The following OTUD4 variants were observed in gnomAD, a reference collection of about 807,000 sequenced individuals.
OTUD4 encodes the protein OTU deubiquitinase 4.
In OTUD4, 24 loss-of-function variants were observed where a neutral mutation model predicts 130.4. The ratio of observed to expected loss-of-function variants is 0.18; its 90% confidence interval spans 0.13 to 0.26. The LOEUF is 0.26. Ranked by LOEUF, OTUD4 falls within the 10% of genes least tolerant of loss-of-function variation. The probability of loss-of-function intolerance (pLI) is 1.00; values close to 1 mark genes in which losing one functional copy is unlikely to be tolerated. For missense variants in OTUD4, 1,031 were observed against 1,329.4 expected, an observed-to-expected ratio of 0.78 and a Z score of 3.49; for synonymous variants, 420 against 472.5, an observed-to-expected ratio of 0.89 and a Z score of 1.44.
In OTUD4 at chr4:145,137,932, G is replaced by A. The variant is rs201617367; in HGVS notation, c.2843C>T (p.Thr948Met). Residue 948 changes from threonine (T) to methionine (M), a missense_variant, in exon 21 of 21, where the codon ACG becomes ATG. Around this residue, in one of 3 missense-constraint regions of OTUD4, gnomAD observed 900 missense variants for 1,095.9 expected, o/e 0.82. Transcript: ENST00000447906. ...TACAGGAGGGATGGAAGCCAATGCC[G>A]TATCTGCCTTTCGTGTCTGGGAAGA... The part of the protein sequence containing the change: ...EQSSQTRKAD[T>M]ALASIPPVAE... The A allele has an allele frequency of 9.5e-5, 153 of 1,614,004 alleles. No individual in the cohort carries two copies. Among genetic ancestry groups the A allele is most frequent in the Admixed American group, 8.8e-4 (53 of 60,004 alleles).
Position 145,146,413 on chromosome 4 carries a change from T to C in OTUD4, c.1276A>G (p.Arg426Gly). 1 of 1,556,162 alleles carries C rather than the reference T, an allele frequency of 6.4e-7. No individual in the cohort carries two copies. The highest frequency in any genetic ancestry group is 8.7e-7 in the Non-Finnish European group (1 of 1,155,904). Residue 426 changes from arginine to glycine, a missense_variant, in exon 14 of 21, where the codon AGA (arginine) becomes GGA (glycine). Transcript: ENST00000447906. ...SQIIRKPDRE[R>G]VEDFDHTSRE... Reference sequence around the variant, plus strand: ...CTTGTGTGATCAAAATCCTCAACTCTTTCACGATCAGGTTTTCTGTCAAAT... The same window carrying C: ...CTTGTGTGATCAAAATCCTCAACTCCTTCACGATCAGGTTTTCTGTCAAAT...
intron 1 of OTUD4, chr4:145,178,397 T>C (rs1752529215): frequency 6.6e-6 from 1 of 152,244 alleles, no homozygotes; most frequent in African/African-American, 2.4e-5. Context: ...CAGTACGTTA[T>C]AAATACGGGC....
rs756507045 is a variant in OTUD4, at chr4:145,143,940, T to A, written c.1602+6A>T. Reference sequence around the variant, plus strand: ...AAAAGATGCAAGTAGTGTTTAAAACTTTTACCTCCAATGTGCTTGGTTCGG... The same window carrying A: ...AAAAGATGCAAGTAGTGTTTAAAACATTTACCTCCAATGTGCTTGGTTCGG... On this transcript the variant is annotated splice_donor_region_variant and intron_variant, in intron 16 of 20. Transcript: ENST00000447906. The A allele has an allele frequency of 6.8e-6, 11 of 1,606,628 alleles. 1 individual carries two copies. In the East Asian group the frequency reaches 2.2e-4, roughly 33 times the overall value.
chr4:145,150,475 C>CT, intron 13 of OTUD4, 38 bp downstream of exon 13: 1 of 1,440,664 alleles, frequency 6.9e-7, no homozygotes, highest in Non-Finnish European at 9.6e-7. Context: ...ATGCCTCTTA[C>CT]TTGATTTCTA....
intron 17 of OTUD4, among the ~76,000 whole-genome samples, chr4:145,142,816 T>C (rs911581665): frequency 2.0e-5 from 3 of 152,286 alleles, no homozygotes; most frequent in African/African-American, 7.2e-5. Context: ...TGAAGAATGT[T>C]GGTTGAAAGG....
At chr4:145,143,553 T>A in intron 16 of OTUD4, 108 bp from the exon 17 acceptor site, 1 of 647,070 alleles carries the variant, frequency 1.5e-6, no homozygotes, top group Non-Finnish European at 2.7e-6. Flanking sequence ...CAGAACCCTC[T>A]CACCACTGAG....
intron 10 of OTUD4, 69 bp downstream of exon 10, chr4:145,155,342 T>C (rs1270020264): frequency 8.1e-7 from 1 of 1,227,966 alleles, no homozygotes; most frequent in Non-Finnish European, 1.2e-6. Flanking sequence ...CTCAGCTGTT[T>C]TCTCTGTTTG....
chr4:145,151,039 G>T, intron 11 of OTUD4, 134 bp from the exon 12 acceptor site: 1 of 503,710 alleles, frequency 2.0e-6, no homozygotes, highest in Non-Finnish European at 3.5e-6. Context: ...TACAATTAAG[G>T]TACAAATTGC....
At chr4:145,161,321 T>C (rs1483675994) in intron 6 of OTUD4, among the ~76,000 whole-genome samples, 2 of 152,122 alleles carry the variant, frequency 1.3e-5, no homozygotes, top group Admixed American at 6.5e-5. Flanking sequence ...GGTGTCCAGA[T>C]TGTGACTAGC....
chr4:145,155,791 A>C (rs1751255130), intron 8 of OTUD4, 105 bp from the exon 9 acceptor site: 2 of 1,014,162 alleles, frequency 2.0e-6, no homozygotes, highest in African/African-American at 1.6e-5. Flanking sequence ...AACTTCAAAA[A>C]ATTAGGAAGC....
chr4:145,134,565 C>G lies in OTUD4; in HGVS notation c.*2865G>C, dbSNP rs1750147058. 2 of 396,978 alleles carry G rather than the reference C, an allele frequency of 5.0e-6. No individual in the cohort carries two copies. Among genetic ancestry groups the G allele is most frequent in the Non-Finnish European group, 8.9e-6 (2 of 225,376 alleles). 24.6% of individuals were successfully genotyped at this position (396,978 alleles called of 1,614,324 possible). On this transcript the variant is annotated 3_prime_UTR_variant, in exon 21 of 21. Coordinates refer to ENST00000447906, the MANE Select transcript of OTUD4 (RefSeq NM_001366057.1). ...AAGGAAACAACACGCTGCAAGAATA[C>G]AGTCTGCATTAAATAAGATATATCA...
chr4:145,158,380 G>T (rs562315949), intron 7 of OTUD4, among the ~76,000 whole-genome samples: 304 of 152,106 alleles, frequency 2.0e-3, no homozygotes, highest in African/African-American at 6.9e-3. Flanking sequence ...TACTTGGGAG[G>T]CTGAGGCAGG....
intron 3 of OTUD4, among the ~76,000 whole-genome samples, chr4:145,167,228 G>T (rs1751922520): frequency 6.6e-6 from 1 of 152,180 alleles, no homozygotes; most frequent in Non-Finnish European, 1.5e-5. Context: ...TTTGGTAAAT[G>T]AATGCTGCCA....
At chr4:145,159,109 A>G in intron 7 of OTUD4, 1 of 1,033,488 alleles carries the variant, frequency 9.7e-7, no homozygotes, top group Non-Finnish European at 1.2e-6. Context: ...AAGAGGCACT[A>G]CCTAAGAAAG....
chr4:145,172,374 T>C (rs1752211543), intron 2 of OTUD4, among the ~76,000 whole-genome samples: 1 of 152,242 alleles, frequency 6.6e-6, no homozygotes, highest in Admixed American at 6.5e-5. Context: ...CAAGTGATAC[T>C]AGAAAGAGCG....
Position 145,137,434 on chromosome 4 carries a change from G to C in OTUD4, c.3341C>G (p.Thr1114Ser). The C allele has an allele frequency of 6.3e-7, 1 of 1,599,454 alleles. No individual in the cohort carries two copies. ...AAAATACTTCGGCAACAACCATCAAGTGTGCTGTCCCCTATGGCCATCTCC... is the reference window on the plus strand; with the variant it reads ...AAAATACTTCGGCAACAACCATCAACTGTGCTGTCCCCTATGGCCATCTCC... ...GMGDGHRGQHT is the reference protein window; with the variant it reads ...GMGDGHRGQHS Residue 1114 changes from threonine (T) to serine (S), a missense_variant, in exon 21 of 21, where the codon ACT (threonine) becomes AGT (serine). Physicochemically the swap from Thr to Ser is moderately conservative, Grantham distance 58 (BLOSUM62 1). Transcript: ENST00000447906.
At chr4:145,166,498 T>G (rs971382114) in intron 3 of OTUD4, among the ~76,000 whole-genome samples, 8 of 151,258 alleles carry the variant, frequency 5.3e-5, no homozygotes, top group Non-Finnish European at 8.8e-5. Context: ...TTTGTAACAG[T>G]GTTTAAAAAA....
chr4:145,161,494 G>C (rs1751563384), intron 6 of OTUD4, among the ~76,000 whole-genome samples: 1 of 152,216 alleles, frequency 6.6e-6, no homozygotes, highest in Non-Finnish European at 1.5e-5. Flanking sequence ...CTTTATGACT[G>C]ATCTGTACTT....
At chr4:145,140,023 A>G in intron 19 of OTUD4, 32 bp from the exon 20 acceptor site, 1 of 659,420 alleles carries the variant, frequency 1.5e-6, no homozygotes, top group East Asian at 3.4e-5. Context: ...TGTTAAAATT[A>G]TATATCTGCA....
Sources: allele counts gnomAD v4.1 joint callset (sites outside exome capture counted in the v4.1 genomes callset), GRCh38; gene constraint gnomAD v4.1.1; regional missense constraint gnomAD v4.1.1; transcripts MANE v1.5; gene names NCBI Gene and HGNC (gene_info 2026-07-23, HGNC 2026-07-21).